The following IGFL2 variants were observed in gnomAD, a reference collection of about 807,000 sequenced individuals.
The protein encoded by IGFL2 is IGF like family member 2.
Under a neutral mutation model 13.9 loss-of-function variants are expected in IGFL2, and 7 were observed. The ratio of observed to expected loss-of-function variants is 0.51; its 90% CI spans 0.29 to 0.95. The LOEUF (loss-of-function observed/expected upper bound fraction) is 0.95, where lower values mean the gene tolerates loss of function less well. Among genes scored for constraint, IGFL2 ranks in the 40% least tolerant of loss-of-function variants. The pLI, the probability that IGFL2 is intolerant of heterozygous loss-of-function variation, is 0.08. For synonymous variants in IGFL2, 55 were observed against 55.8 expected (o/e 0.99, Z 0.07); for missense variants, 138 against 147.8 (o/e 0.93, Z 0.34).
chr19:46,096,377 T>C, the IGFL2 span, among the ~76,000 whole-genome samples: 1 of 152,188 alleles, frequency 6.6e-6, no homozygotes. Flanking sequence ...TTTTATATCC[T>C]GAGACTTTGC....
At chr19:46,104,845 A>C in the IGFL2 span, among the ~76,000 whole-genome samples, 1 of 152,200 alleles carries the variant, frequency 6.6e-6, no homozygotes, top group African/African-American at 2.4e-5. Flanking sequence ...GGTTCTGAAA[A>C]GATGACAGAA....
the IGFL2 span, among the ~76,000 whole-genome samples, chr19:46,097,060 C>T: frequency 6.6e-6 from 1 of 152,198 alleles, no homozygotes; most frequent in African/African-American, 2.4e-5. Context: ...CCCTCCTTTT[C>T]AATTGTTTGG....
the IGFL2 span, chr19:46,213,721 ATCT>A: frequency 3.9e-5 from 6 of 153,280 alleles, no homozygotes; most frequent in South Asian, 6.3e-4. Context: ...GTTCCACCCA[ATCT>A]TCTTCTAAAT....
the IGFL2 span, chr19:46,124,535 T>TTAGAGA: frequency 7.6e-7 from 1 of 1,312,558 alleles, no homozygotes; most frequent in Non-Finnish European, 1.1e-6. Flanking sequence ...TGGAATAATG[T>TTAGAGA]TAGAGATAAA....
the IGFL2 span, among the ~76,000 whole-genome samples, chr19:46,181,630 A>G: frequency 4.0e-3 from 606 of 152,316 alleles, 3 homozygotes; most frequent in African/African-American, 0.012. Context: ...TCAGCTGCGT[A>G]AAGACAGCTT....
At chr19:46,178,385 G>A in the IGFL2 span, among the ~76,000 whole-genome samples, 2 of 152,154 alleles carry the variant, frequency 1.3e-5, no homozygotes, top group Admixed American at 6.5e-5. Context: ...CAGATAGCCA[G>A]CCCTGAAGGA....
chr19:46,171,530 TTCTC>T, the IGFL2 span, among the ~76,000 whole-genome samples: 1 of 152,200 alleles, frequency 6.6e-6, no homozygotes, highest in African/African-American at 2.4e-5. Flanking sequence ...TGTCTTATTT[TTCTC>T]TATCTCCATT....
chr19:46,195,336 C>A, the IGFL2 span, among the ~76,000 whole-genome samples: 2 of 152,004 alleles, frequency 1.3e-5, no homozygotes, highest in Non-Finnish European at 2.9e-5. Context: ...TAATTAATGA[C>A]CCTTGTTATC....
chr19:46,167,644 C>A, the IGFL2 span, among the ~76,000 whole-genome samples: 1 of 152,196 alleles, frequency 6.6e-6, no homozygotes, highest in Admixed American at 6.5e-5. Flanking sequence ...ATGTTTATGT[C>A]TTCCCCAAAA....
chr19:46,161,128 C>T lies in IGFL2; in HGVS notation c.*40C>T. 6.6e-7 allele frequency: 1 copy of T among 1,520,224 alleles called. No homozygotes were observed. Among genetic ancestry groups the T allele is most frequent in the Non-Finnish European group, 9.0e-7 (1 of 1,108,350 alleles). The allele number at this position is 1,520,224 out of a possible 1,614,324, so 94.2% of individuals were successfully genotyped here. A position where few individuals can be genotyped will look rare whatever the true frequency, so the allele number is the denominator to read the frequency against. ...AAAATCAACTTTCACTAAGGCATCT[C>T]AGAAACATAGGCTAAGGTAATATGT... On this transcript the variant is annotated 3_prime_UTR_variant, in exon 4 of 4. Coordinates refer to ENST00000377693, the MANE Select transcript of IGFL2 (RefSeq NM_001135113.2).
At chr19:46,205,761 A>G in the IGFL2 span, among the ~76,000 whole-genome samples, 1 of 152,188 alleles carries the variant, frequency 6.6e-6, no homozygotes, top group Non-Finnish European at 1.5e-5. Context: ...TACCAGTGTC[A>G]GCACTCCCCA....
At chr19:46,197,792 A>C in the IGFL2 span, among the ~76,000 whole-genome samples, 4 of 151,586 alleles carry the variant, frequency 2.6e-5, no homozygotes, top group Admixed American at 6.6e-5. Context: ...TCATCCTCCC[A>C]AAGTCCTGGG....
chr19:46,151,212 G>GT (rs1568425902), intron 1 of IGFL2, among the ~76,000 whole-genome samples: 1 of 152,076 alleles, frequency 6.6e-6, no homozygotes, highest in Non-Finnish European at 1.5e-5. Flanking sequence ...TCTGCTAAGA[G>GT]TTTTATATGT....
the IGFL2 span, among the ~76,000 whole-genome samples, chr19:46,084,163 A>G: frequency 3.9e-5 from 6 of 152,330 alleles, no homozygotes; most frequent in Admixed American, 2.0e-4. Flanking sequence ...GATACTTGAT[A>G]TGATTTCAGT....
At chr19:46,212,901 A>AG in the IGFL2 span, 1 of 152,232 alleles carries the variant, frequency 6.6e-6, no homozygotes, top group Non-Finnish European at 1.5e-5. Context: ...GAGCCCCCAG[A>AG]GGAGTGTGAG....
the IGFL2 span, chr19:46,213,397 A>G: frequency 6.5e-6 from 1 of 152,958 alleles, no homozygotes; most frequent in Non-Finnish European, 1.5e-5. Context: ...GGAATATGGG[A>G]TACAAGGAGT....
At chr19:46,094,463 A>G in the IGFL2 span, among the ~76,000 whole-genome samples, 14 of 151,834 alleles carry the variant, frequency 9.2e-5, no homozygotes, top group African/African-American at 2.9e-4. Flanking sequence ...CCTCACCCCA[A>G]TCTGTTTTTG....
At chr19:46,144,691 T>C (rs1244098017), upstream of IGFL2, among the ~76,000 whole-genome samples, 1 of 152,212 alleles carries the variant, frequency 6.6e-6, no homozygotes, top group African/African-American at 2.4e-5. Context: ...AAACATACAG[T>C]AAGTTGACTG....
upstream of IGFL2, among the ~76,000 whole-genome samples, chr19:46,138,809 TC>T (rs1454979798): frequency 6.6e-6 from 1 of 151,734 alleles, no homozygotes; most frequent in African/African-American, 2.4e-5. Context: ...ACTGGCCCCA[TC>T]TCCTAGGCAA....
Sources: allele counts gnomAD v4.1 joint callset (sites outside exome capture counted in the v4.1 genomes callset), GRCh38; gene constraint gnomAD v4.1.1; transcripts MANE v1.5; gene names NCBI Gene and HGNC (gene_info 2026-07-23, HGNC 2026-07-21).